Variants in ZNF541 observed in about 807,000 individuals in gnomAD.
ZNF541 encodes zinc finger protein 541.
A neutral mutation model predicts 123.5 loss-of-function variants in ZNF541; 23 were observed. That is an observed-to-expected ratio of 0.19 (90% confidence interval 0.13 to 0.26). ZNF541 has a LOEUF of 0.26. Among genes scored for constraint, ZNF541 ranks in the 10% least tolerant of loss-of-function variants. The pLI is 1.00. For synonymous variants in ZNF541, 751 were observed against 754.5 expected, an observed-to-expected ratio of 1.00 and a Z score of 0.08; for missense variants, 1,612 against 1,789.9, an observed-to-expected ratio of 0.90 and a Z score of 1.79.
intron 4 of ZNF541, among the ~76,000 whole-genome samples, chr19:47,546,206 T>TTAA (rs1555774320): frequency 8.0e-6 from 1 of 125,726 alleles, no homozygotes; most frequent in African/African-American, 2.7e-5. Context: ...TACAGAAAAG[T>TTAA]AAAAAAAAAA....
chr19:47,555,475 C>T lies in ZNF541; in HGVS notation c.307+75G>A, dbSNP rs555421512. On this transcript the variant is annotated intron_variant, in intron 3 of 16. Transcript: ENST00000391901. Reference sequence around the variant, plus strand: ...GAAAAATTTTCTTAACCAATCCATGCAGAATCAGTCCCTAGCTGGCCACAG... The same window carrying T: ...GAAAAATTTTCTTAACCAATCCATGTAGAATCAGTCCCTAGCTGGCCACAG... 10 of 1,416,292 alleles carry T rather than the reference C, an allele frequency of 7.1e-6. No homozygotes were observed. The South Asian group carries it at 1.2e-4, about 17-fold the overall frequency. 87.7% of individuals were successfully genotyped at this position (1,416,292 alleles called of 1,614,324 possible).
At chr19:47,562,596 T>C (rs1425815007) in intron 2 of ZNF541, among the ~76,000 whole-genome samples, 1 of 151,986 alleles carries the variant, frequency 6.6e-6, no homozygotes, top group African/African-American at 2.4e-5. Flanking sequence ...AGATAAAATG[T>C]CCAGTTTTCG....
intron 12 of ZNF541, among the ~76,000 whole-genome samples, chr19:47,531,376 C>T (rs1423911987): frequency 1.3e-5 from 2 of 151,944 alleles, no homozygotes; most frequent in African/African-American, 4.8e-5. Context: ...TTGGGGCTTC[C>T]CTTCTCCAGT....
At chr19:47,537,789 C>A (rs1969890876) in intron 9 of ZNF541, among the ~76,000 whole-genome samples, 1 of 151,574 alleles carries the variant, frequency 6.6e-6, no homozygotes, top group South Asian at 2.1e-4. Flanking sequence ...GCTGGAGGAT[C>A]TCTTGAGACC....
At position 47,539,795 on chromosome 19, in the gene ZNF541, C is replaced by A. The variant is rs1291432077; in HGVS notation, c.2706G>T (p.Lys902Asn). The stretch of plus-strand genomic sequence containing the variant: ...GGGCTGCAGCTGTGGGGTCCAAGGG[C>A]TTCTTGGTTCCTGGGGGACTATGCC... ...GDRHSPPGTK[K>N]PLDPTAAAPL... is the part of the protein sequence containing the mutation. Residue 902 changes from lysine to asparagine, a missense_variant, in exon 8 of 17, where the codon AAG becomes AAT. Around this residue, in one of 5 missense-constraint regions of ZNF541, gnomAD observed 1,080 missense variants for 1,013.8 expected, o/e 1.07. Coordinates refer to ENST00000391901, the MANE Select transcript of ZNF541 (RefSeq NM_001277075.3). 48 of 1,486,480 alleles carry A rather than the reference C, an allele frequency of 3.2e-5. No homozygotes were observed. Among genetic ancestry groups the A allele is most frequent in the Non-Finnish European group, 4.0e-5 (45 of 1,126,516 alleles). 92.1% of individuals were successfully genotyped at this position (1,486,480 alleles called of 1,614,324 possible).
intron 4 of ZNF541, among the ~76,000 whole-genome samples, chr19:47,548,947 C>T (rs1303865120): frequency 1.3e-5 from 2 of 151,538 alleles, no homozygotes; most frequent in African/African-American, 2.4e-5. Flanking sequence ...GGTGTGGTGG[C>T]GGGCGCTTGT....
At chr19:47,551,579 C>T (rs1298640890) in intron 3 of ZNF541, among the ~76,000 whole-genome samples, 2 of 151,938 alleles carry the variant, frequency 1.3e-5, no homozygotes, top group Non-Finnish European at 2.9e-5. Context: ...TATTCTGTCA[C>T]CCAGGCTACA....
rs1246430453 is a variant in ZNF541, at chr19:47,521,909, C to G, written c.3656G>C (p.Gly1219Ala). 12 of 1,551,776 alleles carry G rather than the reference C, an allele frequency of 7.7e-6. 1 individual carries two copies. In the Admixed American group the frequency reaches 2.4e-4, roughly 30 times the overall value. Residue 1219 changes from glycine to alanine, a missense_variant, in exon 15 of 17, where the codon GGG (glycine) becomes GCG (alanine). Gly to Ala is a moderately conservative substitution (Grantham distance 60). Coordinates refer to ENST00000391901, the MANE Select transcript of ZNF541 (RefSeq NM_001277075.3). This position sits in a 1 kb window ranked among gnomAD's most constrained non-coding sequence, Gnocchi z 4.2. ...CTCTCTCTTGACCCTCTTTTCTAGC[C>G]CTGGGGCTCGGCCACAGTCAAACTT... ...MIKFDCGRAP[G>A]LEKRVKREPE...
Position 47,555,741 on chromosome 19 carries a change from G to C in ZNF541, c.116C>G (p.Pro39Arg), listed in dbSNP as rs1244413373. 1 of 1,551,694 alleles carries C rather than the reference G, an allele frequency of 6.4e-7. No homozygotes were observed. The highest frequency in any genetic ancestry group is 2.4e-5 in the East Asian group (1 of 40,926). Residue 39 changes from proline (P) to arginine (R), a missense_variant, in exon 3 of 17, where the codon CCC (proline) becomes CGC (arginine). Physicochemically the swap from Pro to Arg is moderately radical, Grantham distance 103. Transcript: ENST00000391901. ...CSDTLNRDLG[P>R]NTRGFLYAGL... ...AGCATAAAGAAAGCCTCGCGTGTTG[G>C]GACCCAAATCCCGGTTGAGGGTGTC...
chr19:47,560,754 G>A (rs1368750540), intron 2 of ZNF541, among the ~76,000 whole-genome samples: 1 of 152,044 alleles, frequency 6.6e-6, no homozygotes, highest in African/African-American at 2.4e-5. Flanking sequence ...CCACACAAAA[G>A]CCTGCACACA....
At position 47,528,860 on chromosome 19, in the gene ZNF541, G is replaced by A. The variant is rs926462076; in HGVS notation, c.3570+90C>T. On this transcript the variant is annotated intron_variant, in intron 14 of 16. Transcript: ENST00000391901. ...GTGCTGCCACAGGCAGGTGAGGGTG[G>A]GGCCCTCCGACCCCCGACCAGCCCT... 20 of 1,006,768 alleles carry A rather than the reference G, an allele frequency of 2.0e-5. No individual in the cohort carries two copies. The African/African-American group carries it at 3.1e-4, about 15-fold the overall frequency. 62.4% of individuals were successfully genotyped at this position (1,006,768 alleles called of 1,614,324 possible).
chr19:47,535,963 T>C lies in ZNF541; in HGVS notation c.3094+2179A>G, dbSNP rs376112983. ...GAACAGAGATTTACCCACATATTTA[T>C]TGACAGCAAGCCAGTGATAAGCATT... On this transcript the variant is annotated intron_variant, in intron 9 of 16. Transcript: ENST00000391901. 2.6e-5 allele frequency among the ~76,000 whole-genome samples: 4 copies of C among 152,200 alleles called. No homozygotes were observed. In the East Asian group the frequency reaches 5.8e-4, roughly 22 times the overall value.
intron 9 of ZNF541, among the ~76,000 whole-genome samples, chr19:47,534,808 A>G (rs1969742812): frequency 6.6e-6 from 1 of 152,200 alleles, no homozygotes; most frequent in Admixed American, 6.5e-5. Flanking sequence ...ATTTCTAACA[A>G]TGAATTGTGC....
At chr19:47,551,113 C>T (rs1260056015) in intron 3 of ZNF541, among the ~76,000 whole-genome samples, 1 of 149,344 alleles carries the variant, frequency 6.7e-6, no homozygotes, top group Non-Finnish European at 1.5e-5. Context: ...GGCAGTGGCG[C>T]AATCTCGGCT....
chr19:47,569,996 C>G (rs1263580312), intron 2 of ZNF541, among the ~76,000 whole-genome samples: 1 of 152,076 alleles, frequency 6.6e-6, no homozygotes, highest in African/African-American at 2.4e-5. Flanking sequence ...TTTCTCTGGC[C>G]GGGCACGGTG....
chr19:47,522,452 T>C (rs909468641), intron 14 of ZNF541, among the ~76,000 whole-genome samples: 38 of 152,174 alleles, frequency 2.5e-4, no homozygotes, highest in African/African-American at 8.9e-4. Flanking sequence ...GGGATTATTT[T>C]CCCGTTCCTC....
intron 6 of ZNF541, 63 bp downstream of exon 6, chr19:47,540,830 G>T: frequency 2.7e-6 from 4 of 1,502,144 alleles, no homozygotes; most frequent in Non-Finnish European, 3.6e-6. Context: ...GTCCAGGGCC[G>T]GCACAGGAAG....
In ZNF541 at chr19:47,521,100, G is replaced by A. The variant is rs1328202108; in HGVS notation, c.*124C>T. The A allele has an allele frequency of 4.8e-6, 6 of 1,242,508 alleles. No individual in the cohort carries two copies. The highest frequency in any genetic ancestry group is 2.9e-4 in the Middle Eastern group (1 of 3,504). 77.0% of individuals were successfully genotyped at this position (1,242,508 alleles called of 1,614,324 possible). ...GGCCAAATGCCCTCCATGTTTGCAG[G>A]CAGGTTGGCCAACAGGGGACAGGGA... On this transcript the variant is annotated 3_prime_UTR_variant, in exon 17 of 17. Transcript: ENST00000391901. The surrounding 1 kb of genome is among the most constrained non-coding windows in gnomAD (Gnocchi z 4.2).
At chr19:47,553,865 C>T (rs1389297679) in intron 3 of ZNF541, among the ~76,000 whole-genome samples, 1 of 152,114 alleles carries the variant, frequency 6.6e-6, no homozygotes, top group Non-Finnish European at 1.5e-5. Flanking sequence ...TTTAATGCTC[C>T]GTCTGGGTAA....
Sources: gnomAD v4.1 joint callset for allele counts (sites outside exome capture counted in the v4.1 genomes callset) on GRCh38, gnomAD v4.1.1 for gene constraint, gnomAD v4.1.1 regional missense constraint, Gnocchi (gnomAD v3.1) non-coding constraint, MANE v1.5 for transcripts, NCBI Gene and HGNC (gene_info 2026-07-23, HGNC 2026-07-21) for gene names.